PDE4B: variants seen among roughly 807,000 people sequenced by gnomAD.
PDE4B encodes the protein 3',5'-cyclic-AMP phosphodiesterase 4B.
A neutral mutation model predicts 82.2 loss-of-function variants in PDE4B; 20 were observed. That is an observed-to-expected ratio of 0.24 (90% CI 0.17 to 0.35). The LOEUF (loss-of-function observed/expected upper bound fraction) is 0.35, where lower values mean the gene tolerates loss of function less well. PDE4B is among the 10% of genes least tolerant of loss of function. The probability of loss-of-function intolerance (pLI) is 1.00; values close to 1 mark genes in which losing one functional copy is unlikely to be tolerated. For synonymous variants in PDE4B, 320 were observed against 318.9 expected, an observed-to-expected ratio of 1.00 and a Z score of -0.04; for missense variants, 655 against 907.2, an observed-to-expected ratio of 0.72 and a Z score of 3.57.
At chr1:65,833,090 T>A (rs1646100981) in intron 1 of PDE4B, among the ~76,000 whole-genome samples, 1 of 152,218 alleles carries the variant, frequency 6.6e-6, no homozygotes, top group African/African-American at 2.4e-5. Flanking sequence ...TTAAACCATT[T>A]AGATTTAAGG....
intron 3 of PDE4B, among the ~76,000 whole-genome samples, chr1:66,118,867 G>A (rs893220432): frequency 6.6e-6 from 1 of 151,096 alleles, no homozygotes; most frequent in African/African-American, 2.4e-5. Context: ...CCTCTTTCTT[G>A]TTTCTTGGTG....
At chr1:66,143,036 C>T (rs565422768) in intron 3 of PDE4B, among the ~76,000 whole-genome samples, 28 of 152,252 alleles carry the variant, frequency 1.8e-4, no homozygotes, top group Non-Finnish European at 2.8e-4. Context: ...AGATGCAGTA[C>T]GAAGACCATA....
chr1:66,200,445 C>T (rs1209951023), intron 3 of PDE4B, among the ~76,000 whole-genome samples: 1 of 152,126 alleles, frequency 6.6e-6, no homozygotes, highest in Admixed American at 6.5e-5. Context: ...GCAGTATGGC[C>T]ATTTTCACGA....
chr1:65,892,076 A>G (rs1195865884), intron 1 of PDE4B, among the ~76,000 whole-genome samples: 1 of 152,106 alleles, frequency 6.6e-6, no homozygotes, highest in Non-Finnish European at 1.5e-5. Flanking sequence ...GATTTCCCCA[A>G]ATTTTGATTC....
chr1:65,875,107 A>G (rs1301599199), intron 1 of PDE4B, among the ~76,000 whole-genome samples: 1 of 152,076 alleles, frequency 6.6e-6, no homozygotes, highest in African/African-American at 2.4e-5. Context: ...TGTACAAGAA[A>G]AAAACAAACA....
chr1:65,849,424 A>T (rs1646304299), intron 1 of PDE4B, among the ~76,000 whole-genome samples: 1 of 152,188 alleles, frequency 6.6e-6, no homozygotes, highest in Non-Finnish European at 1.5e-5. Context: ...GAGAACAGGG[A>T]GGTGCCAGGC....
intron 3 of PDE4B, among the ~76,000 whole-genome samples, chr1:66,231,331 C>T (rs937690282): frequency 6.6e-6 from 1 of 152,192 alleles, no homozygotes; most frequent in African/African-American, 2.4e-5. Flanking sequence ...GTCAGCAACA[C>T]TGTGTGAAGA....
intron 3 of PDE4B, among the ~76,000 whole-genome samples, chr1:66,138,438 A>G (rs958551427): frequency 2.6e-5 from 4 of 152,202 alleles, no homozygotes; most frequent in African/African-American, 9.6e-5. Flanking sequence ...AGAATGGCTT[A>G]AACCCTGGAG....
chr1:66,108,742 A>G (rs1335268545), intron 3 of PDE4B, among the ~76,000 whole-genome samples: 1 of 151,966 alleles, frequency 6.6e-6, no homozygotes, highest in Non-Finnish European at 1.5e-5. Context: ...TAATGACATT[A>G]TGGTATCTAT....
At chr1:65,976,895 G>A (rs1557471657) in intron 3 of PDE4B, among the ~76,000 whole-genome samples, 2 of 152,152 alleles carry the variant, frequency 1.3e-5, no homozygotes, top group South Asian at 2.1e-4. Flanking sequence ...GTCTTAGGTA[G>A]TTCTTTATAG....
At chr1:66,009,937 C>A (rs1234309896) in intron 3 of PDE4B, among the ~76,000 whole-genome samples, 1 of 147,488 alleles carries the variant, frequency 6.8e-6, no homozygotes, top group Non-Finnish European at 1.5e-5. Flanking sequence ...ATCTATCTAT[C>A]TATCTATCTA....
chr1:65,860,000 C>G (rs10493392), intron 1 of PDE4B, among the ~76,000 whole-genome samples: 20,488 of 152,096 alleles, frequency 0.13, 1,455 homozygotes, highest in South Asian at 0.17. Flanking sequence ...TCTGGTGAAA[C>G]ACTGTAGGCA....
intron 1 of PDE4B, among the ~76,000 whole-genome samples, chr1:65,816,220 T>TGTGTGTGC (rs1645882641): frequency 1.4e-5 from 1 of 71,400 alleles, no homozygotes; most frequent in Non-Finnish European, 3.7e-5. Flanking sequence ...TGTGTGTGTG[T>TGTGTGTGC]GTGTGTATGA....
intron 1 of PDE4B, among the ~76,000 whole-genome samples, chr1:65,835,238 T>C (rs547480046): frequency 6.6e-6 from 1 of 152,198 alleles, no homozygotes; most frequent in South Asian, 2.1e-4. Flanking sequence ...GGGCAGTACA[T>C]AGGAAATGGC....
At chr1:66,317,567 T>TA (rs1659113213) in intron 7 of PDE4B, among the ~76,000 whole-genome samples, 1 of 151,916 alleles carries the variant, frequency 6.6e-6, no homozygotes, top group Non-Finnish European at 1.5e-5. Context: ...AAAGAAAAAC[T>TA]GTTTTTTTTT....
At chr1:65,879,556 A>G (rs1646687176) in intron 1 of PDE4B, among the ~76,000 whole-genome samples, 1 of 152,212 alleles carries the variant, frequency 6.6e-6, no homozygotes, top group South Asian at 2.1e-4. Flanking sequence ...TCAGAAGTCT[A>G]GAAAAGCTAA....
intron 3 of PDE4B, among the ~76,000 whole-genome samples, chr1:66,118,195 A>G (rs1191738810): frequency 6.6e-6 from 1 of 152,164 alleles, no homozygotes; most frequent in Non-Finnish European, 1.5e-5. Flanking sequence ...TAGAAATACC[A>G]TTTGACCCAG....
At chr1:66,181,632 C>T (rs1647065360) in intron 3 of PDE4B, among the ~76,000 whole-genome samples, 1 of 152,128 alleles carries the variant, frequency 6.6e-6, no homozygotes, top group Non-Finnish European at 1.5e-5. Context: ...GCTACATAAT[C>T]TTGAGATTGA....
At chr1:65,947,216 C>T (rs568014146) in intron 3 of PDE4B, among the ~76,000 whole-genome samples, 1 of 152,140 alleles carries the variant, frequency 6.6e-6, no homozygotes, top group African/African-American at 2.4e-5. Context: ...TGTGGATATA[C>T]ACTATTATCT....
Sources: allele counts gnomAD v4.1 joint callset (sites outside exome capture counted in the v4.1 genomes callset), GRCh38; gene constraint gnomAD v4.1.1; transcripts MANE v1.5; gene names NCBI Gene and HGNC (gene_info 2026-07-23, HGNC 2026-07-21).